Variants in SLC9A3 observed in about 807,000 individuals in gnomAD.
The protein encoded by SLC9A3 is solute carrier family 9 member A3.
SLC9A3 carries 37 observed loss-of-function variants against 86.8 expected under a neutral mutation model. The ratio of observed to expected loss-of-function variants is 0.43; its 90% CI spans 0.33 to 0.56. The LOEUF (loss-of-function observed/expected upper bound fraction) is 0.56, where lower values mean the gene tolerates loss of function less well. SLC9A3 is among the 20% of genes least tolerant of loss of function. SLC9A3 has a pLI of 0.06. For missense variants in SLC9A3, 1,011 were observed against 1,171.9 expected (o/e 0.86, Z 2.00); for synonymous variants, 581 against 528.3 (o/e 1.10, Z -1.37).
At position 484,503 on chromosome 5, in the gene SLC9A3, G is replaced by C; in HGVS notation, c.932+17C>G. ...GAGGAGGGCGTGGAGAAGCTCGCGTGTGTGGGAGGGACTCACGCGAGGATG... is the reference window on the plus strand; with the variant it reads ...GAGGAGGGCGTGGAGAAGCTCGCGTCTGTGGGAGGGACTCACGCGAGGATG... On this transcript the variant is annotated intron_variant, in intron 5 of 16. Coordinates refer to ENST00000264938, the MANE Select transcript of SLC9A3 (RefSeq NM_004174.4). 6.2e-7 allele frequency: 1 copy of C among 1,612,006 alleles called. No individual in the cohort carries two copies. The highest frequency in any genetic ancestry group is 8.5e-7 in the Non-Finnish European group (1 of 1,179,072).
chr5:489,018 C>T (rs111730658), intron 2 of SLC9A3, among the ~76,000 whole-genome samples: 22,308 of 152,194 alleles, frequency 0.15, 2,121 homozygotes, highest in Non-Finnish European at 0.21. Context: ...CGGCCGGCTT[C>T]CCTCCCCGCA....
chr5:473,467 A>T, intron 16 of SLC9A3, 85 bp from the exon 17 acceptor site: 1 of 1,161,350 alleles, frequency 8.6e-7, no homozygotes, highest in Non-Finnish European at 1.1e-6. Flanking sequence ...GCTGTCCCCG[A>T]GCCCGGCGGC....
intron 9 of SLC9A3, 22 bp downstream of exon 9, chr5:481,543 C>G: frequency 6.2e-7 from 1 of 1,602,434 alleles, no homozygotes; most frequent in Non-Finnish European, 8.6e-7. Context: ...GCGACACCGC[C>G]GGGGCCGTCC....
Position 524,309 on chromosome 5 carries a change from C to A in SLC9A3, c.14G>T (p.Gly5Val). Reference protein sequence around the residue: MWGLGARGPDRGLLL... With the variant: MWGLVARGPDRGLLL... ...CAGCCCCCGGTCGGGGCCCCGGGCC[C>A]CGAGTCCCCACATTGCCGCCTGCTC... Residue 5 changes from glycine (G) to valine (V), a missense_variant, in exon 1 of 17, where the codon GGG becomes GTG. This residue lies in a region of SLC9A3 where 49 missense variants were observed against 35.6 expected (regional missense o/e 1.38). Transcript: ENST00000264938. 7.8e-7 allele frequency: 1 copy of A among 1,279,230 alleles called. No individual in the cohort carries two copies. Among genetic ancestry groups the A allele is most frequent in the Non-Finnish European group, 9.9e-7 (1 of 1,008,978 alleles). The allele number at this position is 1,279,230 out of a possible 1,614,324, so 79.2% of individuals were successfully genotyped here.
chr5:476,923 G>C (rs1738780855), intron 11 of SLC9A3, among the ~76,000 whole-genome samples: 1 of 152,194 alleles, frequency 6.6e-6, no homozygotes, highest in South Asian at 2.1e-4. Context: ...TTCCTTACTG[G>C]TCCCTCTCCA....
Position 491,888 on chromosome 5 carries a change from G to C in SLC9A3, c.395C>G (p.Pro132Arg). The C allele has an allele frequency of 6.2e-7, 1 of 1,611,104 alleles. No homozygotes were observed. Among genetic ancestry groups the C allele is most frequent in the Non-Finnish European group, 8.5e-7 (1 of 1,179,244 alleles). ...PIVLDAGYFM[P>R]NRLFFGNLGT... ...CAGGTTGCCGAAGAAGAGGCGGTTG[G>C]GCATGAAGTAGCCGGCGTCCAGCAC... Residue 132 changes from proline (P) to arginine (R), a missense_variant, in exon 2 of 17, where the codon CCC becomes CGC. Physicochemically the swap from Pro to Arg is moderately radical, Grantham distance 103 (BLOSUM62 -2). Transcript: ENST00000264938. The surrounding 1 kb of genome is among the most constrained non-coding windows in gnomAD (Gnocchi z 9.2).
chr5:521,111 G>A (rs1447011663), intron 1 of SLC9A3, among the ~76,000 whole-genome samples: 2 of 152,250 alleles, frequency 1.3e-5, no homozygotes, highest in Non-Finnish European at 2.9e-5. Context: ...GGAGGTCTGC[G>A]CTGTGGAGTG....
Position 524,398 on chromosome 5 carries a change from TG to T in SLC9A3, c.-77del, listed in dbSNP as rs1560981710. The T allele has an allele frequency of 3.4e-6, 2 of 585,334 alleles. No homozygotes were observed. Among genetic ancestry groups the T allele is most frequent in the Non-Finnish European group, 4.7e-6 (2 of 429,172 alleles). The allele number at this position is 585,334 out of a possible 1,614,324, so 36.3% of individuals were successfully genotyped here. ...GCTGGGCTGGGCCGACGCGCGGGGC[TG>T]GGACCCGGCGAGGACCCGGCGCGCT... On this transcript the variant is annotated 5_prime_UTR_variant, in exon 1 of 17. Coordinates refer to ENST00000264938, the MANE Select transcript of SLC9A3 (RefSeq NM_004174.4).
chr5:479,648 A>T, intron 10 of SLC9A3, 188 bp downstream of exon 10: 1 of 592,710 alleles, frequency 1.7e-6, no homozygotes, highest in Non-Finnish European at 3.0e-6. Context: ...TCTGTGACTC[A>T]GTTTACCCCA....
Position 491,759 on chromosome 5 carries a change from G to C in SLC9A3, c.514+10C>G. 2 of 1,515,416 alleles carry C rather than the reference G, an allele frequency of 1.3e-6. No individual in the cohort carries two copies. Among genetic ancestry groups the C allele is most frequent in the Non-Finnish European group, 1.8e-6 (2 of 1,123,400 alleles). The allele number at this position is 1,515,416 out of a possible 1,614,324, so 93.9% of individuals were successfully genotyped here. A position where few individuals can be genotyped will look rare whatever the true frequency, so the allele number is the denominator to read the frequency against. ...TGATCCCGGCCGGGGCAACAGTGGC[G>C]CAGACTCACCCATGAGCCCACTGAG... On this transcript the variant is annotated intron_variant, in intron 2 of 16. Coordinates refer to ENST00000264938, the MANE Select transcript of SLC9A3 (RefSeq NM_004174.4). This position sits in a 1 kb window ranked among gnomAD's most constrained non-coding sequence, Gnocchi z 9.2.
At chr5:522,052 G>T (rs1015124079) in intron 1 of SLC9A3, among the ~76,000 whole-genome samples, 1 of 152,206 alleles carries the variant, frequency 6.6e-6, no homozygotes, top group Non-Finnish European at 1.5e-5. Flanking sequence ...TAAAGGGCAG[G>T]TCTGGAGAGG....
chr5:524,201 C>A lies in SLC9A3; in HGVS notation c.122G>T (p.Gly41Val), dbSNP rs1372002924. Reference protein sequence around the residue: ...EPGGAHGESGGFQVVTFEWAH... With the variant: ...EPGGAHGESGVFQVVTFEWAH... ...CCACTCGAAGGTGACCACCTGGAAG[C>A]CCCCGCTCTCGCCGTGCGCGCCGCC... Residue 41 changes from glycine to valine, a missense_variant, in exon 1 of 17, where the codon GGC becomes GTC. Gly to Val is a moderately radical substitution (Grantham distance 109). Transcript: ENST00000264938. The A allele has an allele frequency of 1.3e-6, 2 of 1,535,216 alleles. No homozygotes were observed. The highest frequency in any genetic ancestry group is 8.7e-7 in the Non-Finnish European group (1 of 1,143,888).
intron 1 of SLC9A3, among the ~76,000 whole-genome samples, chr5:520,163 G>A (rs1332428066): frequency 1.3e-5 from 2 of 152,120 alleles, no homozygotes; most frequent in Non-Finnish European, 2.9e-5. Flanking sequence ...GCCCAGCTCT[G>A]GAGTTCAGGC....
In SLC9A3 at chr5:472,705, C is replaced by G; in HGVS notation, c.*674G>C. 1 of 547,776 alleles carries G rather than the reference C, an allele frequency of 1.8e-6. No individual in the cohort carries two copies. Among genetic ancestry groups the G allele is most frequent in the Non-Finnish European group, 3.5e-6 (1 of 285,900 alleles). The allele number at this position is 547,776 out of a possible 1,614,324, so 33.9% of individuals were successfully genotyped here. ...TGCAGTTCAAAGACCTGGCGAGGGCCTGGAAACGGCGCTCGGCCCAGGCCG... is the reference window on the plus strand; with the variant it reads ...TGCAGTTCAAAGACCTGGCGAGGGCGTGGAAACGGCGCTCGGCCCAGGCCG... On this transcript the variant is annotated 3_prime_UTR_variant, in exon 17 of 17. Coordinates refer to ENST00000264938, the MANE Select transcript of SLC9A3 (RefSeq NM_004174.4).
intron 6 of SLC9A3, 49 bp from the exon 7 acceptor site, chr5:482,799 G>A (rs779469697): frequency 3.1e-5 from 45 of 1,463,000 alleles, no homozygotes; most frequent in Admixed American, 2.2e-4. Context: ...CCTCCCAGCC[G>A]CGGGACCCCA....
intron 9 of SLC9A3, 81 bp downstream of exon 9, chr5:481,484 G>A (rs1346834246): frequency 3.7e-5 from 44 of 1,199,248 alleles, no homozygotes; most frequent in Non-Finnish European, 5.4e-5. Context: ...TGTTATGCAT[G>A]TGGCTTCTGG....
In SLC9A3 at chr5:473,062, G is replaced by C. The variant is rs1432277338; in HGVS notation, c.*317C>G. On this transcript the variant is annotated 3_prime_UTR_variant, in exon 17 of 17. Transcript: ENST00000264938. ...AGCAGCGCGGGGCGGCGGCGCGCGC[G>C]AGGCCGCTGGAACGAGCGCCGGCTG... The C allele has an allele frequency of 3.3e-6, 1 of 306,460 alleles. No individual in the cohort carries two copies. The allele number at this position is 306,460 out of a possible 1,614,324, so 19.0% of individuals were successfully genotyped here. A position where few individuals can be genotyped will look rare whatever the true frequency, so the allele number is the denominator to read the frequency against.
intron 4 of SLC9A3, 141 bp downstream of exon 4, chr5:485,012 C>T (rs535369780): frequency 1.0e-4 from 73 of 705,760 alleles, no homozygotes; most frequent in South Asian, 6.8e-4. Context: ...TCGCTCTGGA[C>T]GGGGACGTGA....
chr5:479,755 C>T, intron 10 of SLC9A3, 81 bp downstream of exon 10: 1 of 1,376,164 alleles, frequency 7.3e-7, no homozygotes, highest in South Asian at 1.2e-5. Flanking sequence ...GCAGGGGCCT[C>T]TCCTCACTGC....
Sources: gnomAD v4.1 joint callset for allele counts (sites outside exome capture counted in the v4.1 genomes callset) on GRCh38, gnomAD v4.1.1 for gene constraint, gnomAD v4.1.1 regional missense constraint, Gnocchi (gnomAD v3.1) non-coding constraint, MANE v1.5 for transcripts, NCBI Gene and HGNC (gene_info 2026-07-23, HGNC 2026-07-21) for gene names.